PALLD: variants seen among roughly 807,000 people sequenced by gnomAD.
PALLD encodes palladin.
A neutral mutation model predicts 123.5 loss-of-function variants in PALLD; 61 were observed. The observed-to-expected ratio is 0.49, with a 90% confidence interval of 0.40 to 0.61. The LOEUF is 0.61. PALLD is among the 20% of genes least tolerant of loss of function. PALLD has a pLI of 0.00. For synonymous variants in PALLD, 465 were observed against 496.4 expected, an observed-to-expected ratio of 0.94 and a Z score of 0.84; for missense variants, 1,273 against 1,377.0, an observed-to-expected ratio of 0.92 and a Z score of 1.20.
Position 168,523,617 on chromosome 4 carries a change from T to C in PALLD, c.908+11205T>C, listed in dbSNP as rs191849084. Reference sequence around the variant, plus strand: ...CTAGAAGGATAGTAATGAGAAGGTATTGATAAATAAGAGGATTTGTTCAAG... The same window carrying C: ...CTAGAAGGATAGTAATGAGAAGGTACTGATAAATAAGAGGATTTGTTCAAG... On this transcript the variant is annotated intron_variant, in intron 2 of 21. Coordinates refer to ENST00000505667, the MANE Select transcript of PALLD (RefSeq NM_001166108.2). Among the ~76,000 whole-genome samples the C allele has an allele frequency of 2.3e-4, 35 of 152,192 alleles. No homozygotes were observed. In the East Asian group the frequency reaches 5.8e-3, roughly 25 times the overall value.
intron 10 of PALLD, among the ~76,000 whole-genome samples, chr4:168,814,021 C>T (rs1224984792): frequency 6.6e-6 from 1 of 152,094 alleles, no homozygotes; most frequent in East Asian, 1.9e-4. Context: ...TTAAAGTAAA[C>T]TCTGAATTCG....
At chr4:168,745,281 G>A (rs1730109188) in intron 10 of PALLD, among the ~76,000 whole-genome samples, 1 of 152,060 alleles carries the variant, frequency 6.6e-6, no homozygotes, top group Admixed American at 6.5e-5. Context: ...TGGAGCCTAG[G>A]ACCCAAGCCT....
chr4:168,500,060 A>G (rs1761235728), intron 1 of PALLD, among the ~76,000 whole-genome samples: 1 of 152,218 alleles, frequency 6.6e-6, no homozygotes, highest in Non-Finnish European at 1.5e-5. Context: ...GTTGGGCCAA[A>G]TAATTGAAAC....
intron 10 of PALLD, among the ~76,000 whole-genome samples, chr4:168,849,032 G>A (rs759115542): frequency 5.3e-5 from 8 of 152,130 alleles, no homozygotes; most frequent in Admixed American, 1.3e-4. Flanking sequence ...TAAAAAATTC[G>A]TTAAAAAAGC....
At chr4:168,639,614 G>A (rs1044603859) in intron 2 of PALLD, among the ~76,000 whole-genome samples, 2 of 151,234 alleles carry the variant, frequency 1.3e-5, no homozygotes, top group African/African-American at 4.9e-5. Flanking sequence ...TGTGATCTTG[G>A]CTCACTGCAA....
At chr4:168,686,420 C>T (rs1194313008) in intron 6 of PALLD, among the ~76,000 whole-genome samples, 1 of 152,138 alleles carries the variant, frequency 6.6e-6, no homozygotes, top group Non-Finnish European at 1.5e-5. Context: ...TGTTCCCCTC[C>T]CGGTGTCCAT....
chr4:168,700,110 AT>A (rs992156197), intron 8 of PALLD: 6 of 281,792 alleles, frequency 2.1e-5, no homozygotes, highest in Middle Eastern at 9.1e-4. Context: ...GGCTTTCTTC[AT>A]TTTTATAATG....
At chr4:168,914,123 T>C in intron 16 of PALLD, 102 bp downstream of exon 16, 1 of 783,782 alleles carries the variant, frequency 1.3e-6, no homozygotes, top group South Asian at 1.5e-5. Context: ...TAAACATAAC[T>C]GGAAGATAGA....
intron 17 of PALLD, among the ~76,000 whole-genome samples, chr4:168,920,985 T>A (rs1230259099): frequency 6.6e-6 from 1 of 152,196 alleles, no homozygotes; most frequent in Non-Finnish European, 1.5e-5. Context: ...AGCAATTTTT[T>A]AAATCCCATC....
chr4:168,832,535 C>G (rs1484185646), intron 10 of PALLD, among the ~76,000 whole-genome samples: 1 of 152,178 alleles, frequency 6.6e-6, no homozygotes, highest in African/African-American at 2.4e-5. Flanking sequence ...TAATCTTGGC[C>G]ACGCTCCCTG....
chr4:168,807,191 G>A (rs1214055139), intron 10 of PALLD, among the ~76,000 whole-genome samples: 1 of 152,068 alleles, frequency 6.6e-6, no homozygotes, highest in Non-Finnish European at 1.5e-5. Context: ...CATGGAATTT[G>A]CAGGAGTGGT....
intron 10 of PALLD, among the ~76,000 whole-genome samples, chr4:168,867,715 A>C (rs1022323879): frequency 6.6e-6 from 1 of 152,066 alleles, no homozygotes; most frequent in African/African-American, 2.4e-5. Context: ...CTATTAGATT[A>C]ATTTTTATAT....
At position 168,890,990 on chromosome 4, in the gene PALLD, A is replaced by G; in HGVS notation, c.2033A>G (p.Asp678Gly). Residue 678 changes from aspartate to glycine, a missense_variant, in exon 11 of 22, where the codon GAT (aspartate) becomes GGT (glycine). Coordinates refer to ENST00000505667, the MANE Select transcript of PALLD (RefSeq NM_001166108.2). ...GATGAGGAAATTCAAGGCACAAAGGATGCTGTTATTCAAGACCTGGAACGA... is the reference window on the plus strand; with the variant it reads ...GATGAGGAAATTCAAGGCACAAAGGGTGCTGTTATTCAAGACCTGGAACGA... ...ASDEEIQGTKDAVIQDLERKL... is the reference protein window; with the variant it reads ...ASDEEIQGTKGAVIQDLERKL... 5 of 1,614,028 alleles carry G rather than the reference A, an allele frequency of 3.1e-6. No individual in the cohort carries two copies. The highest frequency in any genetic ancestry group is 3.4e-6 in the Non-Finnish European group (4 of 1,179,888).
intron 18 of PALLD, among the ~76,000 whole-genome samples, chr4:168,922,037 C>T (rs756822258): frequency 1.3e-4 from 19 of 150,936 alleles, no homozygotes; most frequent in Non-Finnish European, 7.4e-5. Context: ...GTAACAGCAG[C>T]ATGGACTCCA....
intron 10 of PALLD, among the ~76,000 whole-genome samples, chr4:168,791,337 C>T (rs138344273): frequency 0.01 from 1,540 of 152,298 alleles, 11 homozygotes; most frequent in Middle Eastern, 0.031. Context: ...TCTGTTTTCA[C>T]ACTGCTATAA....
At chr4:168,670,765 C>CAAAAAAAAAAAAAAAAAAAAAAA (rs367710328) in intron 3 of PALLD, among the ~76,000 whole-genome samples, 1 of 109,498 alleles carries the variant, frequency 9.1e-6, no homozygotes, top group Non-Finnish European at 1.8e-5. Context: ...ACAAAAAAAA[C>CAAAAAAAAAAAAAAAAAAAAAAA]AAAAAAAAAC....
intron 12 of PALLD, among the ~76,000 whole-genome samples, chr4:168,896,000 A>G (rs1755046621): frequency 1.3e-5 from 2 of 152,224 alleles, no homozygotes; most frequent in African/African-American, 4.8e-5. Context: ...ACCTGAGGTC[A>G]GGAGTTCAAG....
chr4:168,778,171 T>C (rs1415158669), intron 10 of PALLD, among the ~76,000 whole-genome samples: 2 of 152,190 alleles, frequency 1.3e-5, no homozygotes, highest in Non-Finnish European at 2.9e-5. Context: ...AGAGAAGTCT[T>C]CAAATATTCC....
At chr4:168,924,529 T>G (rs1221714606) in intron 19 of PALLD, 109 bp downstream of exon 19, 4 of 1,074,042 alleles carry the variant, frequency 3.7e-6, no homozygotes, top group Non-Finnish European at 5.7e-6. Flanking sequence ...CACATAGATG[T>G]TTTGATTTTT....
Sources: gnomAD v4.1 joint callset for allele counts (sites outside exome capture counted in the v4.1 genomes callset) on GRCh38, gnomAD v4.1.1 for gene constraint, MANE v1.5 for transcripts, NCBI Gene and HGNC (gene_info 2026-07-23, HGNC 2026-07-21) for gene names.